PER3: variants seen among roughly 807,000 people sequenced by gnomAD.
PER3 encodes period circadian protein homolog 3.
PER3 carries 107 observed loss-of-function variants against 127.2 expected under a neutral mutation model. The observed-to-expected ratio is 0.84, with a 90% CI of 0.72 to 0.99. The LOEUF (loss-of-function observed/expected upper bound fraction) is 0.99, where lower values mean the gene tolerates loss of function less well. PER3 is among the 50% of genes least tolerant of loss of function. PER3 has a pLI of 0.00. For synonymous variants in PER3, 618 were observed against 585.8 expected (o/e 1.05, Z -0.79); for missense variants, 1,560 against 1,525.8 (o/e 1.02, Z -0.37).
At chr1:7,825,194 A>AT (rs1558455009) in intron 16 of PER3, among the ~76,000 whole-genome samples, 2 of 152,044 alleles carry the variant, frequency 1.3e-5, no homozygotes, top group East Asian at 3.9e-4. Context: ...GCTGCACCAC[A>AT]GGGGCGAGCT....
At chr1:7,784,470 T>G in intron 1 of PER3, 94 bp downstream of exon 1, 1 of 155,292 alleles carries the variant, frequency 6.4e-6, no homozygotes, top group Non-Finnish European at 1.4e-5. Context: ...CTGCCCTCGG[T>G]ACTGGGGGCC....
intron 5 of PER3, among the ~76,000 whole-genome samples, chr1:7,788,801 G>C (rs564707277): frequency 4.6e-5 from 7 of 152,136 alleles, no homozygotes; most frequent in Non-Finnish European, 1.0e-4. Context: ...CTACTCAGGA[G>C]GTTGAGGCAC....
chr1:7,838,992 C>A (rs557695349), intron 21 of PER3, among the ~76,000 whole-genome samples: 2 of 149,480 alleles, frequency 1.3e-5, no homozygotes, highest in Non-Finnish European at 3.0e-5. Flanking sequence ...TATTTGTTTT[C>A]TATGTGCCAT....
rs1425259560 is a variant in PER3, at chr1:7,803,121, A to G, written c.947A>G (p.Asp316Gly). 2.5e-6 allele frequency: 4 copies of G among 1,612,648 alleles called. No homozygotes were observed. The highest frequency in any genetic ancestry group is 3.4e-6 in the Non-Finnish European group (4 of 1,178,706). ...TSILSYLHPEDRSLMVAIHQK... is the reference protein window; with the variant it reads ...TSILSYLHPEGRSLMVAIHQK... ...ATCCTAAGCTACCTGCACCCTGAAG[A>G]TCGTTCTCTGATGGTTGCCATACAC... The change falls in exon 9 of 22, where the codon GAT becomes GGT. Residue 316 changes from aspartate (D) to glycine (G), a missense_variant. Coordinates refer to ENST00000377532, the MANE Select transcript of PER3 (RefSeq NM_001377275.1).
intron 9 of PER3, 90 bp from the exon 10 acceptor site, chr1:7,803,602 A>C: frequency 1.2e-6 from 1 of 859,398 alleles, no homozygotes; most frequent in Non-Finnish European, 1.8e-6. Flanking sequence ...AAAACCACTA[A>C]AACATTTACA....
At chr1:7,793,902 C>G (rs995721569) in intron 5 of PER3, 55 bp from the exon 6 acceptor site, 7 of 1,427,860 alleles carry the variant, frequency 4.9e-6, no homozygotes. Flanking sequence ...AACATTGTTT[C>G]ACTGAGAAAG....
At chr1:7,825,177 C>T (rs2097295691) in intron 16 of PER3, among the ~76,000 whole-genome samples, 1 of 152,056 alleles carries the variant, frequency 6.6e-6, no homozygotes, top group Non-Finnish European at 1.5e-5. Flanking sequence ...ACCCAAACCA[C>T]CCGGATGCTG....
intron 6 of PER3, among the ~76,000 whole-genome samples, chr1:7,798,105 A>T (rs753931703): frequency 4.6e-5 from 7 of 152,162 alleles, no homozygotes; most frequent in Non-Finnish European, 7.3e-5. Context: ...AGAGTGTAGA[A>T]AGGGACGACT....
At chr1:7,792,385 T>C (rs1317249024) in intron 5 of PER3, among the ~76,000 whole-genome samples, 2 of 152,150 alleles carry the variant, frequency 1.3e-5, no homozygotes, top group Non-Finnish European at 2.9e-5. Context: ...CATGTGGGGA[T>C]TATGGGAACT....
At chr1:7,796,149 C>A (rs1015015513) in intron 6 of PER3, among the ~76,000 whole-genome samples, 1 of 152,052 alleles carries the variant, frequency 6.6e-6, no homozygotes, top group African/African-American at 2.4e-5. Context: ...ATTCCTTAGC[C>A]CAGACTTGGC....
intron 21 of PER3, among the ~76,000 whole-genome samples, chr1:7,840,376 G>A (rs887228533): frequency 2.0e-5 from 3 of 150,914 alleles, no homozygotes; most frequent in Admixed American, 6.6e-5. Context: ...CACCCAGGCT[G>A]GAGTGCAGTG....
At chr1:7,806,370 T>A (rs2097192662) in intron 10 of PER3, among the ~76,000 whole-genome samples, 1 of 152,184 alleles carries the variant, frequency 6.6e-6, no homozygotes, top group African/African-American at 2.4e-5. Context: ...CCAAGTTTTC[T>A]CTCTTACTCC....
intron 8 of PER3, 97 bp from the exon 9 acceptor site, chr1:7,802,950 A>G: frequency 1.3e-6 from 1 of 775,190 alleles, no homozygotes; most frequent in Non-Finnish European, 2.3e-6. Context: ...TTTGCATAAA[A>G]TTGTCTCACA....
At chr1:7,815,235 A>G (rs778488058) in intron 13 of PER3, among the ~76,000 whole-genome samples, 1 of 152,254 alleles carries the variant, frequency 6.6e-6, no homozygotes, top group Admixed American at 6.5e-5. Flanking sequence ...ATCATATTCA[A>G]TCCAGTTATT....
intron 21 of PER3, among the ~76,000 whole-genome samples, chr1:7,840,950 G>A (rs1011468806): frequency 3.9e-5 from 6 of 152,130 alleles, no homozygotes; most frequent in Non-Finnish European, 8.8e-5. Context: ...TCTTTGTCTC[G>A]CAATTCTTTC....
At chr1:7,787,014 A>G (rs994684648) in intron 4 of PER3, among the ~76,000 whole-genome samples, 178 bp downstream of exon 4, 1 of 152,228 alleles carries the variant, frequency 6.6e-6, no homozygotes, top group Non-Finnish European at 1.5e-5. Flanking sequence ...GAAAACATCT[A>G]AAAGCAGAAG....
Position 7,820,175 on chromosome 1 carries a change from A to T in PER3, c.1719A>T (p.Thr573=), listed in dbSNP as rs1374742726. The T allele has an allele frequency of 1.9e-6, 3 of 1,613,236 alleles. No homozygotes were observed. The South Asian group carries it at 3.3e-5, about 18-fold the overall frequency. Residue 573 remains threonine (T), a synonymous_variant, in exon 15 of 22, where the codon ACA becomes ACT. Coordinates refer to ENST00000377532, the MANE Select transcript of PER3 (RefSeq NM_001377275.1). ...LKRKCISCTN[T]TSSSSEEDKQ... The stretch of plus-strand genomic sequence containing the variant: ...GAAAGTGTATCTCCTGTACAAATAC[A>T]ACTTCTTCCTCCTCAGAAGAAGACA...
chr1:7,822,565 T>A (rs1216333469), intron 16 of PER3, among the ~76,000 whole-genome samples: 1 of 152,100 alleles, frequency 6.6e-6, no homozygotes, highest in Non-Finnish European at 1.5e-5. Flanking sequence ...AAAATAATTT[T>A]TTAAAAGATG....
At chr1:7,806,812 A>AT (rs1553309916) in intron 10 of PER3, among the ~76,000 whole-genome samples, 221 of 60,608 alleles carry the variant, frequency 3.6e-3, no homozygotes, top group Middle Eastern at 9.4e-3. Context: ...AAAAAAAAAA[A>AT]ATATATATAT....
Sources: gnomAD v4.1 joint callset for allele counts (sites outside exome capture counted in the v4.1 genomes callset) on GRCh38, gnomAD v4.1.1 for gene constraint, MANE v1.5 for transcripts, NCBI Gene and HGNC (gene_info 2026-07-23, HGNC 2026-07-21) for gene names.